LRCH3: variants seen among roughly 807,000 people sequenced by gnomAD.
LRCH3 encodes DISP complex protein LRCH3.
LRCH3 carries 68 observed loss-of-function variants against 104.5 expected under a neutral mutation model. That is an observed-to-expected ratio of 0.65 (90% CI 0.54 to 0.80). LRCH3 has a LOEUF of 0.80. LRCH3 is among the 30% of genes least tolerant of loss of function. The pLI is 0.00. For missense variants in LRCH3, 951 were observed against 953.9 expected (o/e 1.00, Z 0.04); for synonymous variants, 344 against 361.3 (o/e 0.95, Z 0.54).
intron 9 of LRCH3, among the ~76,000 whole-genome samples, chr3:197,837,913 A>G (rs1737085566): frequency 6.6e-6 from 1 of 151,698 alleles, no homozygotes; most frequent in Non-Finnish European, 1.5e-5. Flanking sequence ...AAAAAAACTT[A>G]GCTGGGTGTC....
At chr3:197,814,836 TG>T in intron 1 of LRCH3, 71 bp from the exon 2 acceptor site, 1 of 1,305,322 alleles carries the variant, frequency 7.7e-7, no homozygotes, top group Non-Finnish European at 1.0e-6. Context: ...TTAGTTTATG[TG>T]GAAAATCAAA....
At chr3:197,876,867 CCG>C in intron 20 of LRCH3, among the ~76,000 whole-genome samples, 1 of 137,608 alleles carries the variant, frequency 7.3e-6, no homozygotes, top group Non-Finnish European at 1.6e-5. Flanking sequence ...ACCCAACTCA[CCG>C]CACCCATGAC....
At chr3:197,850,508 G>A (rs922023752) in intron 12 of LRCH3, 1 of 1,591,804 alleles carries the variant, frequency 6.3e-7, no homozygotes, top group Non-Finnish European at 8.5e-7. Context: ...TTTCCATAAG[G>A]ATCATCTCAA....
At chr3:197,805,248 A>G (rs1167454514) in intron 1 of LRCH3, among the ~76,000 whole-genome samples, 1 of 152,024 alleles carries the variant, frequency 6.6e-6, no homozygotes, top group Non-Finnish European at 1.5e-5. Context: ...CCTGAGGGGC[A>G]AACTGATAAA....
chr3:197,827,930 A>T (rs1287037243), intron 5 of LRCH3, among the ~76,000 whole-genome samples: 3 of 151,976 alleles, frequency 2.0e-5, no homozygotes, highest in African/African-American at 7.2e-5. Context: ...TACAAAAATT[A>T]GCCGGGTGCG....
At chr3:197,850,819 T>C (rs1326394929) in intron 12 of LRCH3, 12 of 1,138,640 alleles carry the variant, frequency 1.1e-5, no homozygotes, top group Non-Finnish European at 1.3e-6. Flanking sequence ...TTCAGATACT[T>C]CGTGGCTTTT....
intron 9 of LRCH3, among the ~76,000 whole-genome samples, chr3:197,838,699 T>C (rs1018173259): frequency 5.9e-5 from 9 of 152,248 alleles, no homozygotes; most frequent in Non-Finnish European, 1.2e-4. Flanking sequence ...GTAATACTTT[T>C]TGAAAATGAC....
At chr3:197,799,599 G>A (rs966975916) in intron 1 of LRCH3, among the ~76,000 whole-genome samples, 1 of 152,156 alleles carries the variant, frequency 6.6e-6, no homozygotes, top group African/African-American at 2.4e-5. Context: ...AGGCGCGGTG[G>A]CTCATGCCTG....
chr3:197,881,462 T>A, intron 20 of LRCH3: 1 of 985,492 alleles, frequency 1.0e-6, no homozygotes, highest in East Asian at 1.1e-4. Context: ...CCTTCCAGAT[T>A]GTGTTTGTTA....
At chr3:197,807,218 ATTT>A (rs57105492) in intron 1 of LRCH3, among the ~76,000 whole-genome samples, 2 of 134,616 alleles carry the variant, frequency 1.5e-5, no homozygotes, top group African/African-American at 5.5e-5. Flanking sequence ...ATAGAGTTGC[ATTT>A]TTTTTTTTTT....
At position 197,791,538 on chromosome 3, in the gene LRCH3, CG is replaced by C; in HGVS notation, c.262+1del. 1 of 1,573,486 alleles carries C rather than the reference CG, an allele frequency of 6.4e-7. No homozygotes were observed. Among genetic ancestry groups the C allele is most frequent in the Non-Finnish European group, 8.6e-7 (1 of 1,164,186 alleles). Reference sequence around the variant, plus strand: ...CACGACCTGACGGACACCACCCGGGCGGGTGAGCGGGGCGGGGGGCGTCTCT... The same window carrying C: ...CACGACCTGACGGACACCACCCGGGCGGTGAGCGGGGCGGGGGGCGTCTCT... ...ANHDLTDTTR[A>X]DLSRNRLSEI... On this transcript the variant is annotated frameshift_variant and splice_region_variant, in exon 1 of 21. Transcript: ENST00000425562. LOFTEE classifies it high-confidence loss of function.
At chr3:197,808,955 A>G (rs1487235870) in intron 1 of LRCH3, among the ~76,000 whole-genome samples, 1 of 151,166 alleles carries the variant, frequency 6.6e-6, no homozygotes, top group African/African-American at 2.4e-5. Flanking sequence ...GGTTTCTGAT[A>G]TGAAATCTAC....
At position 197,797,409 on chromosome 3, in the gene LRCH3, A is replaced by G. The variant is rs187134469; in HGVS notation, c.262+5869A>G. On this transcript the variant is annotated intron_variant, in intron 1 of 20. Transcript: ENST00000425562. The stretch of plus-strand genomic sequence containing the variant: ...TTCAAGAGAGTCATAGTGAGAGTTT[A>G]TAAGATTCTTGGAGGAAGGACGTAG... Among the ~76,000 whole-genome samples, 379 of 148,988 alleles carry G rather than the reference A, an allele frequency of 2.5e-3. 2 individuals are homozygous for G. The highest frequency in any genetic ancestry group is 8.5e-3 in the African/African-American group (351 of 41,132).
chr3:197,791,502 G>T lies in LRCH3; in HGVS notation c.224G>T (p.Gly75Val). Residue 75 changes from glycine (G) to valine (V), a missense_variant, in exon 1 of 21, where the codon GGA becomes GTA. Coordinates refer to ENST00000425562, the MANE Select transcript of LRCH3 (RefSeq NM_001365715.1). ...CGGAAACTGAGGGAGTTTCCCCGGG[G>T]AGCGGCCAACCACGACCTGACGGAC... ...SGRKLREFPRGAANHDLTDTT... is the reference protein window; with the variant it reads ...SGRKLREFPRVAANHDLTDTT... The T allele has an allele frequency of 6.2e-7, 1 of 1,600,032 alleles. No homozygotes were observed. Among genetic ancestry groups the T allele is most frequent in the African/African-American group, 1.4e-5 (1 of 73,574 alleles).
intron 5 of LRCH3, among the ~76,000 whole-genome samples, chr3:197,828,743 T>C (rs1263222072): frequency 1.3e-5 from 2 of 149,204 alleles, no homozygotes; most frequent in African/African-American, 5.0e-5. Flanking sequence ...GTTTTGCTCT[T>C]GTTGCCCAGG....
chr3:197,835,717 C>T lies in LRCH3; in HGVS notation c.1146C>T (p.Thr382=), dbSNP rs370550385. The T allele has an allele frequency of 2.8e-4, 446 of 1,613,456 alleles. No homozygotes were observed. Among genetic ancestry groups the T allele is most frequent in the Middle Eastern group, 4.9e-4 (3 of 6,078 alleles). Residue 382 remains threonine, a synonymous_variant, in exon 9 of 21, where the codon ACC becomes ACT. Transcript: ENST00000425562. ...AGATTGACTACATAGACAGCTGCAC[C>T]GCAGAGGAAGAGGAGGCCGAGGTGA... The part of the protein sequence containing the change: ...LDQIDYIDSC[T]AEEEEAEVRQ...
intron 4 of LRCH3, among the ~76,000 whole-genome samples, chr3:197,825,548 C>A (rs541445444): frequency 8.1e-6 from 1 of 123,674 alleles, no homozygotes; most frequent in East Asian, 2.6e-4. Context: ...GGCTCAATCT[C>A]GGCTCACTGC....
chr3:197,799,904 G>A (rs920446642), intron 1 of LRCH3, among the ~76,000 whole-genome samples: 8 of 149,928 alleles, frequency 5.3e-5, no homozygotes, highest in Non-Finnish European at 7.4e-5. Context: ...AGAACAGGCC[G>A]GGTGCAGTGG....
chr3:197,825,601 T>C (rs1291739633), intron 4 of LRCH3, among the ~76,000 whole-genome samples: 1 of 144,524 alleles, frequency 6.9e-6, no homozygotes, highest in African/African-American at 2.5e-5. Flanking sequence ...TGTCTCAGCC[T>C]CCCGAGTAGC....
Sources: gnomAD v4.1 joint callset for allele counts (sites outside exome capture counted in the v4.1 genomes callset) on GRCh38, gnomAD v4.1.1 for gene constraint, MANE v1.5 for transcripts, NCBI Gene and HGNC (gene_info 2026-07-23, HGNC 2026-07-21) for gene names.